TDRD3: variants seen among roughly 807,000 people sequenced by gnomAD.
TDRD3 encodes the protein tudor domain containing 3.
A neutral mutation model predicts 86.7 loss-of-function variants in TDRD3; 45 were observed. The ratio of observed to expected loss-of-function variants is 0.52; its 90% CI spans 0.41 to 0.67. The LOEUF (loss-of-function observed/expected upper bound fraction) is 0.67. Among genes scored for constraint, TDRD3 ranks in the 30% least tolerant of loss-of-function variants. TDRD3 has a pLI of 0.00. For synonymous variants in TDRD3, 298 were observed against 301.7 expected (o/e 0.99, Z 0.13); for missense variants, 814 against 889.0 (o/e 0.92, Z 1.07).
intron 12 of TDRD3, among the ~76,000 whole-genome samples, chr13:60,555,581 A>G (rs780069201): frequency 9.8e-5 from 15 of 152,320 alleles, no homozygotes; most frequent in Non-Finnish European, 1.9e-4. Flanking sequence ...CCTTCACTTT[A>G]TCTGTAAATG....
chr13:60,436,121 T>C (rs1955095364), intron 1 of TDRD3, among the ~76,000 whole-genome samples: 3 of 142,606 alleles, frequency 2.1e-5, no homozygotes, highest in African/African-American at 4.9e-5. Flanking sequence ...TTTTTTTTTT[T>C]CTTGCTGATT....
intron 11 of TDRD3, 96 bp from the exon 12 acceptor site, chr13:60,535,012 C>A: frequency 1.0e-5 from 13 of 1,300,126 alleles, no homozygotes; most frequent in African/African-American, 3.1e-5. Flanking sequence ...AAGAATATTA[C>A]ACATTGGAAC....
chr13:60,486,498 A>G (rs1021412516), intron 7 of TDRD3, among the ~76,000 whole-genome samples: 2 of 152,180 alleles, frequency 1.3e-5, no homozygotes, highest in Non-Finnish European at 2.9e-5. Flanking sequence ...TTAACTGACA[A>G]ATAATTACAC....
chr13:60,432,138 T>C (rs1255717156), intron 1 of TDRD3, among the ~76,000 whole-genome samples: 1 of 152,044 alleles, frequency 6.6e-6, no homozygotes, highest in Admixed American at 6.6e-5. Flanking sequence ...TCCACCATTT[T>C]TCATAGTACT....
intron 1 of TDRD3, among the ~76,000 whole-genome samples, chr13:60,422,427 C>T (rs915612365): frequency 8.5e-5 from 13 of 152,184 alleles, no homozygotes; most frequent in Admixed American, 2.6e-4. Context: ...CAAATTTGCA[C>T]GCAAACCTAG....
intron 1 of TDRD3, among the ~76,000 whole-genome samples, chr13:60,408,040 T>C (rs1299830232): frequency 2.0e-5 from 3 of 152,192 alleles, no homozygotes; most frequent in Non-Finnish European, 4.4e-5. Flanking sequence ...ATGTAAGAAG[T>C]GCCTTTCACG....
intron 1 of TDRD3, among the ~76,000 whole-genome samples, chr13:60,439,205 T>C (rs1955195810): frequency 6.6e-6 from 1 of 152,166 alleles, no homozygotes; most frequent in South Asian, 2.1e-4. Context: ...TATTGAAGGA[T>C]CCTTGAGAAC....
At chr13:60,415,075 C>T (rs974067367) in intron 1 of TDRD3, among the ~76,000 whole-genome samples, 5 of 151,794 alleles carry the variant, frequency 3.3e-5, no homozygotes, top group Admixed American at 2.0e-4. Flanking sequence ...GATTGGTCAT[C>T]AGCATACTGA....
At chr13:60,545,479 GT>G (rs1957919115) in intron 12 of TDRD3, among the ~76,000 whole-genome samples, 1 of 152,080 alleles carries the variant, frequency 6.6e-6, no homozygotes, top group African/African-American at 2.4e-5. Context: ...TTAGAAGTCA[GT>G]TTAATTTTAG....
At chr13:60,515,944 A>G (rs1339907028) in intron 10 of TDRD3, among the ~76,000 whole-genome samples, 2 of 152,204 alleles carry the variant, frequency 1.3e-5, no homozygotes, top group Admixed American at 6.5e-5. Flanking sequence ...TTTCAGGATA[A>G]CATCTTCATA....
chr13:60,425,057 T>C (rs1262944037), intron 1 of TDRD3, among the ~76,000 whole-genome samples: 1 of 152,240 alleles, frequency 6.6e-6, no homozygotes, highest in African/African-American at 2.4e-5. Context: ...CTTGGTGTTT[T>C]TGAAAAAGTT....
chr13:60,551,360 G>A (rs1958049064), intron 12 of TDRD3, among the ~76,000 whole-genome samples: 1 of 152,188 alleles, frequency 6.6e-6, no homozygotes, highest in Admixed American at 6.5e-5. Context: ...GTCATTGAAT[G>A]TTTGAAATGC....
intron 6 of TDRD3, 75 bp downstream of exon 6, chr13:60,483,921 A>G: frequency 7.2e-7 from 1 of 1,384,500 alleles, no homozygotes; most frequent in Non-Finnish European, 1.0e-6. Flanking sequence ...GCTGTGTTTC[A>G]TTATGTGCTG....
At position 60,483,754 on chromosome 13, in the gene TDRD3, G is replaced by T. The variant is rs373365946; in HGVS notation, c.496-21G>T. On this transcript the variant is annotated intron_variant, in intron 5 of 13. Coordinates refer to ENST00000377881, the MANE Select transcript of TDRD3 (RefSeq NM_001146070.2). ...ATTTTTTATGTATAACTGCTCTTTTGTGACTGGATTTTTTCCGCAGAGCTT... is the reference window on the plus strand; with the variant it reads ...ATTTTTTATGTATAACTGCTCTTTTTTGACTGGATTTTTTCCGCAGAGCTT... 2.5e-6 allele frequency: 4 copies of T among 1,595,370 alleles called. No individual in the cohort carries two copies. In the Admixed American group the frequency reaches 5.2e-5, roughly 21 times the overall value.
chr13:60,479,024 C>G lies in TDRD3; in HGVS notation c.496-4751C>G, dbSNP rs1233618881. ...GTGTCACCATCTTGGCCGGGCTGGT[C>G]TTGAACTCCTGACCTCAAGTGATCT... On this transcript the variant is annotated intron_variant, in intron 5 of 13. Coordinates refer to ENST00000377881, the MANE Select transcript of TDRD3 (RefSeq NM_001146070.2). Among the ~76,000 whole-genome samples, 3 of 151,818 alleles carry G rather than the reference C, an allele frequency of 2.0e-5. No homozygotes were observed. The East Asian group carries it at 5.8e-4, about 30-fold the overall frequency.
chr13:60,468,185 A>G (rs1375998252), intron 5 of TDRD3, among the ~76,000 whole-genome samples: 2 of 152,118 alleles, frequency 1.3e-5, no homozygotes, highest in Admixed American at 6.5e-5. Context: ...GTTTACGTTT[A>G]ATTTTCAACT....
chr13:60,409,769 TTGGACTG>T (rs1308790351), intron 1 of TDRD3, among the ~76,000 whole-genome samples: 1 of 152,206 alleles, frequency 6.6e-6, no homozygotes, highest in Non-Finnish European at 1.5e-5. Flanking sequence ...AGATGAGACT[TTGGACTG>T]TGGACTTTGG....
chr13:60,568,946 A>G (rs1021113969), intron 13 of TDRD3, among the ~76,000 whole-genome samples: 7 of 151,956 alleles, frequency 4.6e-5, no homozygotes, highest in African/African-American at 1.7e-4. Context: ...CTATATGTCA[A>G]CCGCAATTGT....
intron 10 of TDRD3, among the ~76,000 whole-genome samples, chr13:60,511,022 T>C (rs1469509434): frequency 1.3e-5 from 2 of 152,152 alleles, no homozygotes; most frequent in Non-Finnish European, 2.9e-5. Flanking sequence ...CAGATATAAC[T>C]GTGTAAACAG....
Sources: gnomAD v4.1 joint callset for allele counts (sites outside exome capture counted in the v4.1 genomes callset) on GRCh38, gnomAD v4.1.1 for gene constraint, MANE v1.5 for transcripts, NCBI Gene and HGNC (gene_info 2026-07-23, HGNC 2026-07-21) for gene names.